The following GALNT15 variants were observed in gnomAD, a reference collection of about 807,000 sequenced individuals.
The protein encoded by GALNT15 is polypeptide N-acetylgalactosaminyltransferase 15.
Under a neutral mutation model 66.8 loss-of-function variants are expected in GALNT15, and 67 were observed. The observed-to-expected ratio is 1.00, with a 90% CI of 0.82 to 1.23. The LOEUF is 1.23. GALNT15 is among the 50% of genes most tolerant of loss of function. GALNT15 has a pLI of 0.00. For missense variants in GALNT15, 827 were observed against 804.3 expected (o/e 1.03, Z -0.34); for synonymous variants, 313 against 311.5 (o/e 1.00, Z -0.05).
Position 16,180,296 on chromosome 3 carries a change from G to A in GALNT15, c.539+4606G>A, listed in dbSNP as rs2063455426. On this transcript the variant is annotated intron_variant, in intron 1 of 9. Transcript: ENST00000339732. The surrounding 1 kb of genome is among the most constrained non-coding windows in gnomAD (Gnocchi z 5.0). ...TGCCGAACAGACTGGCCAGAGCAGT[G>A]CTCCTCAAACTTTAAGGTGCATGCG... Among the ~76,000 whole-genome samples, 2 of 152,228 alleles carry A rather than the reference G, an allele frequency of 1.3e-5. No individual in the cohort carries two copies. Among genetic ancestry groups the A allele is most frequent in the Admixed American group, 1.3e-4 (2 of 15,272 alleles).
chr3:16,213,404 G>A (rs2058925046), intron 6 of GALNT15, among the ~76,000 whole-genome samples: 1 of 119,610 alleles, frequency 8.4e-6, no homozygotes, highest in Non-Finnish European at 1.6e-5. Context: ...GAGGTGAGCT[G>A]AGATCACGCC....
rs2063815153 is a variant in GALNT15 at position 16,211,581 on chromosome 3, T to C, written c.1197+340T>C. On this transcript the variant is annotated intron_variant, in intron 5 of 9. Transcript: ENST00000339732. This position sits in a 1 kb window ranked among gnomAD's most constrained non-coding sequence, Gnocchi z 4.3. ...AGTAATTTTTTCACAGCACCCATAG[T>C]CCAAAACAAATACCTGAAGTTCTGT... Among the ~76,000 whole-genome samples the C allele has an allele frequency of 1.3e-5, 2 of 152,158 alleles. No individual in the cohort carries two copies.
At position 16,175,577 on chromosome 3, in the gene GALNT15, G is replaced by C; in HGVS notation, c.426G>C (p.Glu142Asp). ...ACTGGGGGGCTGATGAGGACGGGGA[G>C]GTGTCTGAAGAAGAGGAGTTGACCC... ...KRDWGADEDG[E>D]VSEEEELTPF... is the part of the protein sequence containing the mutation. Residue 142 changes from glutamate to aspartate, a missense_variant, in exon 1 of 10, where the codon GAG becomes GAC. Glu to Asp is a conservative substitution (Grantham distance 45). Coordinates refer to ENST00000339732, the MANE Select transcript of GALNT15 (RefSeq NM_054110.5). The surrounding 1 kb of genome is among the most constrained non-coding windows in gnomAD (Gnocchi z 5.6). 6.2e-7 allele frequency: 1 copy of C among 1,613,866 alleles called. No individual in the cohort carries two copies. The highest frequency in any genetic ancestry group is 8.5e-7 in the Non-Finnish European group (1 of 1,179,984).
rs1410457465 is a variant in GALNT15, at chr3:16,186,502, A to G, written c.540-9258A>G. 2.0e-5 allele frequency among the ~76,000 whole-genome samples: 3 copies of G among 152,278 alleles called. No individual in the cohort carries two copies. The highest frequency in any genetic ancestry group is 4.4e-5 in the Non-Finnish European group (3 of 68,054). On this transcript the variant is annotated intron_variant, in intron 1 of 9. Transcript: ENST00000339732. The surrounding 1 kb of genome is among the most constrained non-coding windows in gnomAD (Gnocchi z 5.1). ...CTTATACATGAATATTCATAGTGGC[A>G]TTAGTCATAATATAAGTCAAAATAG...
Position 16,184,767 on chromosome 3 carries a change from G to A in GALNT15, c.539+9077G>A, listed in dbSNP as rs1298673460. On this transcript the variant is annotated intron_variant, in intron 1 of 9. Coordinates refer to ENST00000339732, the MANE Select transcript of GALNT15 (RefSeq NM_054110.5). The surrounding 1 kb of genome is among the most constrained non-coding windows in gnomAD (Gnocchi z 5.0). ...TGCCTGAGAGAGGCATGTGTTCAAG[G>A]CAGCTACCTCTGTGGGCAGCTGGAG... 6.6e-6 allele frequency among the ~76,000 whole-genome samples: 1 copy of A among 152,194 alleles called. No homozygotes were observed. Among genetic ancestry groups the A allele is most frequent in the Non-Finnish European group, 1.5e-5 (1 of 68,036 alleles).
In GALNT15 at chr3:16,186,214, G is replaced by A. The variant is rs1361402719; in HGVS notation, c.540-9546G>A. Among the ~76,000 whole-genome samples, 5 of 152,182 alleles carry A rather than the reference G, an allele frequency of 3.3e-5. No homozygotes were observed. The highest frequency in any genetic ancestry group is 1.2e-4 in the African/African-American group (5 of 41,448). ...GAAAAGATGTTCAAATCATTAGTCA[G>A]TAGGAAAATACAAATCAAAACCACA... On this transcript the variant is annotated intron_variant, in intron 1 of 9. Transcript: ENST00000339732. This position sits in a 1 kb window ranked among gnomAD's most constrained non-coding sequence, Gnocchi z 5.1.
At chr3:16,233,094 C>CTTTTTTT (rs61516679), downstream of GALNT15, among the ~76,000 whole-genome samples, 7,865 of 60,838 alleles carry the variant, frequency 0.13, 2,519 homozygotes, top group Non-Finnish European at 0.19. Flanking sequence ...GATAATGCAT[C>CTTTTTTT]TTTTTTTTTT....
Position 16,212,606 on chromosome 3 carries a change from G to T in GALNT15, c.1235G>T (p.Cys412Phe). 1 of 1,613,856 alleles carries T rather than the reference G, an allele frequency of 6.2e-7. No individual in the cohort carries two copies. Among genetic ancestry groups the T allele is most frequent in the Non-Finnish European group, 8.5e-7 (1 of 1,179,982 alleles). Residue 412 changes from cysteine to phenylalanine, a missense_variant, in exon 6 of 10, where the codon TGC (cysteine) becomes TTC (phenylalanine). Coordinates refer to ENST00000339732, the MANE Select transcript of GALNT15 (RefSeq NM_054110.5). ...LCGGSVEILP[C>F]SRVGHIYQNQ... ...GGTGGCTCTGTTGAAATCCTTCCCT[G>T]CTCTCGGGTAGGACACATCTACCAA...
Position 16,228,843 on chromosome 3 carries a change from A to C in GALNT15, c.*1343A>C. The C allele has an allele frequency of 1.0e-6, 1 of 985,324 alleles. No individual in the cohort carries two copies. Among genetic ancestry groups the C allele is most frequent in the Non-Finnish European group, 1.2e-6 (1 of 829,906 alleles). 61.0% of individuals were successfully genotyped at this position (985,324 alleles called of 1,614,324 possible). On this transcript the variant is annotated 3_prime_UTR_variant, in exon 10 of 10. Transcript: ENST00000339732. ...GACAGGGCCATCTCTGAGCCCATAT[A>C]ACTGTCTGGAACCCCCAAATGTGTC... is the stretch of plus-strand genomic sequence containing the variant.
intron 2 of GALNT15, among the ~76,000 whole-genome samples, chr3:16,196,649 C>T (rs911170639): frequency 1.3e-5 from 2 of 152,210 alleles, no homozygotes; most frequent in East Asian, 1.9e-4. Flanking sequence ...GGCCCACCCC[C>T]AGAGTTTCTG....
rs1011274775 is a variant in GALNT15 at position 16,175,007 on chromosome 3, C to A, written c.-145C>A. Reference sequence around the variant, plus strand: ...AAGCAGGTCTTGCACACGCTGTTGGCAAATGTCAGGACCAGGTTAAGTGAC... The same window carrying A: ...AAGCAGGTCTTGCACACGCTGTTGGAAAATGTCAGGACCAGGTTAAGTGAC... On this transcript the variant is annotated 5_prime_UTR_variant, in exon 1 of 10. Transcript: ENST00000339732. This position sits in a 1 kb window ranked among gnomAD's most constrained non-coding sequence, Gnocchi z 5.6. 1.0e-5 allele frequency: 7 copies of A among 694,910 alleles called. No homozygotes were observed. The highest frequency in any genetic ancestry group is 1.8e-5 in the African/African-American group (1 of 55,634). The allele number at this position is 694,910 out of a possible 1,614,324, so 43.0% of individuals were successfully genotyped here.
intron 8 of GALNT15, among the ~76,000 whole-genome samples, chr3:16,222,407 G>A (rs1010620737): frequency 4.6e-5 from 7 of 152,178 alleles, no homozygotes; most frequent in African/African-American, 9.7e-5. Context: ...ATGAATGTAA[G>A]AGCAGGTGGA....
the GALNT15 span, among the ~76,000 whole-genome samples, chr3:16,246,358 G>A: frequency 1.4e-3 from 175 of 123,668 alleles, 4 homozygotes; most frequent in Admixed American, 0.013. Context: ...ATGGAGTCTC[G>A]CTCTGTTGCC....
chr3:16,179,978 C>T (rs1473923998), intron 1 of GALNT15, among the ~76,000 whole-genome samples: 1 of 152,206 alleles, frequency 6.6e-6, no homozygotes, highest in Non-Finnish European at 1.5e-5. Flanking sequence ...CCCAGCTCTC[C>T]TTTGATCATC....
rs963659589 is a variant in GALNT15 at position 16,229,836 on chromosome 3, T to G, written c.*2336T>G. 8 of 685,310 alleles carry G rather than the reference T, an allele frequency of 1.2e-5. No homozygotes were observed. Among genetic ancestry groups the G allele is most frequent in the African/African-American group, 1.9e-5 (1 of 51,292 alleles). The allele number at this position is 685,310 out of a possible 1,614,324, so 42.5% of individuals were successfully genotyped here. ...AAGCAAGAATATGGTGTTTCTTGCTTCCTTAACCAGCTCCATGATTTATTA... is the reference window on the plus strand; with the variant it reads ...AAGCAAGAATATGGTGTTTCTTGCTGCCTTAACCAGCTCCATGATTTATTA... On this transcript the variant is annotated 3_prime_UTR_variant, in exon 10 of 10. Transcript: ENST00000339732.
rs2064036664 is a variant in GALNT15, at chr3:16,227,591, CT to C, written c.*95del. 1.2e-6 allele frequency: 2 copies of C among 1,605,866 alleles called. No homozygotes were observed. On this transcript the variant is annotated 3_prime_UTR_variant, in exon 10 of 10. Coordinates refer to ENST00000339732, the MANE Select transcript of GALNT15 (RefSeq NM_054110.5). The surrounding 1 kb of genome is among the most constrained non-coding windows in gnomAD (Gnocchi z 4.5). ...GCTTATATATTTCATGAAGCTGATC[CT>C]TTTGTGTGTGTGCTCCTGGTGTTAG...
At chr3:16,238,117 T>G in the GALNT15 span, among the ~76,000 whole-genome samples, 21 of 152,382 alleles carry the variant, frequency 1.4e-4, no homozygotes, top group Middle Eastern at 3.4e-3. This position sits in a 1 kb window ranked among gnomAD's most constrained non-coding sequence, Gnocchi z 4.8. Flanking sequence ...TGGTCTACAC[T>G]TCCTTATTTT....
rs1258797726 is a variant in GALNT15 at position 16,183,980 on chromosome 3, G to T, written c.539+8290G>T. Among the ~76,000 whole-genome samples the T allele has an allele frequency of 6.6e-6, 1 of 152,178 alleles. No homozygotes were observed. Among genetic ancestry groups the T allele is most frequent in the African/African-American group, 2.4e-5 (1 of 41,438 alleles). ...TGATCTTGGAGTGTGAAGATATAAA[G>T]CTAGCCTGCAGAACAGCTCTCTTAG... On this transcript the variant is annotated intron_variant, in intron 1 of 9. Coordinates refer to ENST00000339732, the MANE Select transcript of GALNT15 (RefSeq NM_054110.5). The surrounding 1 kb of genome is among the most constrained non-coding windows in gnomAD (Gnocchi z 5.2).
At chr3:16,232,626 G>C (rs1266444803), downstream of GALNT15, among the ~76,000 whole-genome samples, 1 of 149,432 alleles carries the variant, frequency 6.7e-6, no homozygotes, top group Non-Finnish European at 1.5e-5. Flanking sequence ...GACAGCTGTG[G>C]GGGTGGAAAC....
Sources: allele counts gnomAD v4.1 joint callset (sites outside exome capture counted in the v4.1 genomes callset), GRCh38; gene constraint gnomAD v4.1.1; non-coding constraint Gnocchi (gnomAD v3.1); transcripts MANE v1.5; gene names NCBI Gene and HGNC (gene_info 2026-07-23, HGNC 2026-07-21).